The following RANBP17 variants were observed in gnomAD, a reference collection of about 807,000 sequenced individuals.
The protein encoded by RANBP17 is ran-binding protein 17.
Under a neutral mutation model 141.2 loss-of-function variants are expected in RANBP17, and 158 were observed. The ratio of observed to expected loss-of-function variants is 1.12; its 90% CI spans 0.98 to 1.28. The LOEUF is 1.28. Among genes scored for constraint, RANBP17 ranks in the 50% most tolerant of loss-of-function variants. The pLI is 0.00. For synonymous variants in RANBP17, 430 were observed against 450.0 expected (o/e 0.96, Z 0.56); for missense variants, 1,438 against 1,290.7 (o/e 1.11, Z -1.75).
At chr5:170,894,368 A>C (rs1422032279) in intron 4 of RANBP17, among the ~76,000 whole-genome samples, 1 of 151,892 alleles carries the variant, frequency 6.6e-6, no homozygotes, top group African/African-American at 2.4e-5. Flanking sequence ...AGTAAGCTCA[A>C]CTTAAGTTGG....
intron 14 of RANBP17, among the ~76,000 whole-genome samples, chr5:171,089,239 C>T (rs1344086933): frequency 8.3e-5 from 9 of 109,046 alleles, no homozygotes; most frequent in Non-Finnish European, 1.5e-4. Flanking sequence ...CAGTGTGCCC[C>T]TGCTGGGGGG....
At chr5:171,148,609 T>TAGAGAGAG (rs1172362224) in intron 14 of RANBP17, among the ~76,000 whole-genome samples, 2 of 150,272 alleles carry the variant, frequency 1.3e-5, no homozygotes, top group African/African-American at 5.0e-5. Flanking sequence ...GATATATATA[T>TAGAGAGAG]ATATATAGAG....
intron 22 of RANBP17, among the ~76,000 whole-genome samples, chr5:171,224,144 C>G (rs942435246): frequency 1.3e-5 from 2 of 152,224 alleles, no homozygotes; most frequent in African/African-American, 4.8e-5. Context: ...CAACCCACAT[C>G]ATTGTTTTGC....
chr5:171,089,945 G>C (rs1252930611), intron 14 of RANBP17, among the ~76,000 whole-genome samples: 1 of 152,200 alleles, frequency 6.6e-6, no homozygotes, highest in East Asian at 1.9e-4. Context: ...GGGAGCTGTA[G>C]ACCGGAGCTG....
intron 14 of RANBP17, among the ~76,000 whole-genome samples, chr5:171,093,330 C>T (rs1419802114): frequency 6.6e-6 from 1 of 152,110 alleles, no homozygotes; most frequent in Non-Finnish European, 1.5e-5. Flanking sequence ...TTATTTATGT[C>T]CCTCCACTGT....
At chr5:171,160,649 A>C (rs1759283957) in intron 14 of RANBP17, among the ~76,000 whole-genome samples, 1 of 152,120 alleles carries the variant, frequency 6.6e-6, no homozygotes, top group Non-Finnish European at 1.5e-5. Context: ...ATTACCTCCT[A>C]TTTTGTGATA....
chr5:171,254,596 G>A (rs1765772696), intron 24 of RANBP17, among the ~76,000 whole-genome samples: 1 of 152,116 alleles, frequency 6.6e-6, no homozygotes, highest in African/African-American at 2.4e-5. Context: ...TAAAATTTGT[G>A]TTTGCTAAGA....
intron 14 of RANBP17, among the ~76,000 whole-genome samples, chr5:171,088,141 C>G (rs1399860927): frequency 1.3e-5 from 2 of 151,610 alleles, no homozygotes; most frequent in East Asian, 3.9e-4. Flanking sequence ...CCTTCAGGAG[C>G]TCTTTTAGGG....
intron 11 of RANBP17, among the ~76,000 whole-genome samples, chr5:170,922,487 T>G (rs1772546315): frequency 6.6e-6 from 1 of 151,994 alleles, no homozygotes; most frequent in African/African-American, 2.4e-5. Context: ...CAGTCTGTGC[T>G]TTGTTTACAC....
At chr5:170,884,283 G>A (rs1347163228) in intron 3 of RANBP17, among the ~76,000 whole-genome samples, 3 of 152,018 alleles carry the variant, frequency 2.0e-5, no homozygotes, top group East Asian at 1.9e-4. Context: ...GACCCCCTGC[G>A]CAATCAAAAA....
chr5:171,280,330 TGCA>T (rs1245916419), intron 25 of RANBP17, among the ~76,000 whole-genome samples: 1 of 152,070 alleles, frequency 6.6e-6, no homozygotes, highest in African/African-American at 2.4e-5. Flanking sequence ...CAGGCTGGAG[TGCA>T]GTGGCACAAT....
intron 14 of RANBP17, among the ~76,000 whole-genome samples, chr5:171,037,179 T>C (rs1781935422): frequency 6.6e-6 from 1 of 152,156 alleles, no homozygotes; most frequent in African/African-American, 2.4e-5. Context: ...GTAATTTTGA[T>C]TTTCATTTCT....
chr5:170,863,103 C>G (rs1766959401), intron 1 of RANBP17, among the ~76,000 whole-genome samples: 1 of 146,840 alleles, frequency 6.8e-6, no homozygotes, highest in Non-Finnish European at 1.5e-5. Context: ...GGTTTCTACT[C>G]TCAGGGAACT....
chr5:170,907,163 G>A (rs1013629752), intron 5 of RANBP17, among the ~76,000 whole-genome samples: 1 of 151,854 alleles, frequency 6.6e-6, no homozygotes, highest in African/African-American at 2.4e-5. Context: ...TAAAAGTTAG[G>A]AGGATTATAT....
rs1771750895 is a variant in RANBP17 at position 170,914,080 on chromosome 5, G to A, written c.761-87G>A. 5 of 875,374 alleles carry A rather than the reference G, an allele frequency of 5.7e-6. No homozygotes were observed. In the East Asian group the frequency reaches 1.2e-4, roughly 22 times the overall value. The allele number at this position is 875,374 out of a possible 1,614,324, so 54.2% of individuals were successfully genotyped here. A position where few individuals can be genotyped will look rare whatever the true frequency, so the allele number is the denominator to read the frequency against. ...GGAATGGCCACATGCAGAGGCCTTGGATTTCTCAGTTTGTGTGATATTGTC... is the reference window on the plus strand; with the variant it reads ...GGAATGGCCACATGCAGAGGCCTTGAATTTCTCAGTTTGTGTGATATTGTC... On this transcript the variant is annotated intron_variant, in intron 7 of 27. Coordinates refer to ENST00000523189, the MANE Select transcript of RANBP17 (RefSeq NM_022897.5).
chr5:170,940,616 C>T lies in RANBP17; in HGVS notation c.1469-12981C>T, dbSNP rs183852032. On this transcript the variant is annotated intron_variant, in intron 12 of 27. Transcript: ENST00000523189. ...AACATATCAAGCAAAAATTGATAGT[C>T]GTGCAGGGAGAAATGGACAGACTTG... 2.9e-3 allele frequency among the ~76,000 whole-genome samples: 435 copies of T among 152,192 alleles called. 1 individual carries two copies. The highest frequency in any genetic ancestry group is 0.017 in the Middle Eastern group (5 of 292).
intron 5 of RANBP17, chr5:170,903,670 G>A: frequency 3.6e-6 from 1 of 281,096 alleles, no homozygotes; most frequent in Non-Finnish European, 7.5e-6. Flanking sequence ...TAATGAGCAA[G>A]CAGACTGTGT....
chr5:170,929,138 A>G (rs902749536), intron 12 of RANBP17, among the ~76,000 whole-genome samples: 2 of 152,094 alleles, frequency 1.3e-5, no homozygotes, highest in Non-Finnish European at 2.9e-5. Context: ...TAACTATTTC[A>G]TAGATTCTTA....
intron 14 of RANBP17, among the ~76,000 whole-genome samples, chr5:171,139,092 A>G (rs1172224700): frequency 1.3e-5 from 2 of 152,116 alleles, no homozygotes; most frequent in Non-Finnish European, 2.9e-5. Context: ...AAACAAAAAA[A>G]GAAAAAAGAA....
Sources: allele counts gnomAD v4.1 joint callset (sites outside exome capture counted in the v4.1 genomes callset), GRCh38; gene constraint gnomAD v4.1.1; transcripts MANE v1.5; gene names NCBI Gene and HGNC (gene_info 2026-07-23, HGNC 2026-07-21).